Variants in TRPM3 observed in about 807,000 individuals in gnomAD.
The protein encoded by TRPM3 is long transient receptor potential channel 3.
TRPM3 carries 77 observed loss-of-function variants against 181.2 expected under a neutral mutation model. The observed-to-expected ratio is 0.42, with a 90% CI of 0.35 to 0.51. The LOEUF is 0.51. TRPM3 is among the 20% of genes least tolerant of loss of function. The probability of loss-of-function intolerance (pLI) is 0.01; values close to 1 mark genes in which losing one functional copy is unlikely to be tolerated. For missense variants in TRPM3, 1,759 were observed against 2,196.7 expected (o/e 0.80, Z 3.98); for synonymous variants, 745 against 796.4 (o/e 0.94, Z 1.09).
At chr9:70,583,959 ACT>A (rs2056564461) in intron 22 of TRPM3, among the ~76,000 whole-genome samples, 1 of 151,426 alleles carries the variant, frequency 6.6e-6, no homozygotes, top group Non-Finnish European at 1.5e-5. Context: ...CTGCCCCTGA[ACT>A]CTCATCGCTG....
chr9:70,906,631 A>T (rs923454162), intron 1 of TRPM3, among the ~76,000 whole-genome samples: 1 of 152,328 alleles, frequency 6.6e-6, no homozygotes, highest in Non-Finnish European at 1.5e-5. Context: ...GGCTGGGCAT[A>T]GTTGCTCATG....
At chr9:71,011,212 G>A (rs537023614) in intron 1 of TRPM3, among the ~76,000 whole-genome samples, 1 of 152,192 alleles carries the variant, frequency 6.6e-6, no homozygotes, top group Admixed American at 6.5e-5. Context: ...AAGGTTACAA[G>A]TTTCTGGTGT....
intron 1 of TRPM3, among the ~76,000 whole-genome samples, chr9:70,963,654 T>C (rs2097159129): frequency 6.6e-6 from 1 of 152,130 alleles, no homozygotes; most frequent in African/African-American, 2.4e-5. Context: ...AAAATGAGGC[T>C]TGGAAGGAGT....
At chr9:70,654,572 C>T (rs1312085840) in intron 9 of TRPM3, among the ~76,000 whole-genome samples, 3 of 151,968 alleles carry the variant, frequency 2.0e-5, no homozygotes, top group Admixed American at 1.3e-4. Context: ...CGATCCACCA[C>T]ACAAAACCCC....
At chr9:71,216,578 T>C (rs2079879763) in intron 1 of TRPM3, among the ~76,000 whole-genome samples, 1 of 152,210 alleles carries the variant, frequency 6.6e-6, no homozygotes, top group African/African-American at 2.4e-5. Flanking sequence ...ACATAATTAG[T>C]TAATTGTTCT....
Position 70,784,220 on chromosome 9 carries a change from A to G in TRPM3, c.1033T>C (p.Ser345Pro). Residue 345 changes from serine (S) to proline (P), a missense_variant, in exon 7 of 26, where the codon TCG (serine) becomes CCG (proline). Transcript: ENST00000677713. ...TCTCGAAGGTACTCCAAAACAATCG[A>G]GATCACATTGGGTCCTCCTTCCACT... ...LIVEGGPNVISIVLEYLRDTP... is the reference protein window; with the variant it reads ...LIVEGGPNVIPIVLEYLRDTP... The G allele has an allele frequency of 6.2e-7, 1 of 1,613,784 alleles. No homozygotes were observed. The highest frequency in any genetic ancestry group is 8.5e-7 in the Non-Finnish European group (1 of 1,179,798).
chr9:70,757,681 A>T (rs887549341), intron 8 of TRPM3, among the ~76,000 whole-genome samples: 2 of 152,214 alleles, frequency 1.3e-5, no homozygotes, highest in African/African-American at 2.4e-5. Context: ...CAACATATGC[A>T]TATCAATAAA....
intron 5 of TRPM3, among the ~76,000 whole-genome samples, chr9:70,836,820 C>T (rs772537290): frequency 6.6e-6 from 1 of 152,168 alleles, no homozygotes; most frequent in African/African-American, 2.4e-5. Context: ...CAAATCTAAG[C>T]GTGTAGCCAG....
chr9:71,138,165 G>T (rs1360315157), intron 1 of TRPM3, among the ~76,000 whole-genome samples: 1 of 151,858 alleles, frequency 6.6e-6, no homozygotes, highest in Non-Finnish European at 1.5e-5. Flanking sequence ...GGGAGAGGAA[G>T]TATTAGAAAT....
At chr9:71,102,869 A>G (rs1305137221) in intron 1 of TRPM3, among the ~76,000 whole-genome samples, 7 of 152,182 alleles carry the variant, frequency 4.6e-5, no homozygotes, top group Non-Finnish European at 2.9e-5. Flanking sequence ...TAACACATGG[A>G]GCTTGAAACA....
chr9:71,202,082 G>C (rs1402417252), intron 1 of TRPM3, among the ~76,000 whole-genome samples: 1 of 152,186 alleles, frequency 6.6e-6, no homozygotes, highest in Non-Finnish European at 1.5e-5. Context: ...GTTGGAGTTT[G>C]CTAGAGGTCC....
At chr9:71,077,707 G>C (rs2063664386) in intron 1 of TRPM3, among the ~76,000 whole-genome samples, 1 of 151,926 alleles carries the variant, frequency 6.6e-6, no homozygotes, top group Non-Finnish European at 1.5e-5. Flanking sequence ...CTAGTGGACG[G>C]TAGAGACCGT....
In TRPM3 at chr9:70,927,976, A is replaced by G. The variant is rs550517277; in HGVS notation, c.178-63465T>C. Among the ~76,000 whole-genome samples the G allele has an allele frequency of 7.9e-5, 12 of 152,324 alleles. No individual in the cohort carries two copies. In the South Asian group the frequency reaches 2.5e-3, roughly 32 times the overall value. ...ACATGTCTTATTTCCAAGACAATAA[A>G]TATACTGCTTGGAAGTATGGGGGCT... On this transcript the variant is annotated intron_variant, in intron 1 of 25. Transcript: ENST00000677713.
intron 8 of TRPM3, among the ~76,000 whole-genome samples, chr9:70,748,937 T>C (rs2075656688): frequency 6.6e-6 from 1 of 152,262 alleles, no homozygotes; most frequent in African/African-American, 2.4e-5. Flanking sequence ...TGGGCTGGAG[T>C]GCAGTGGTGT....
At chr9:70,565,735 A>G (rs2050415381) in intron 22 of TRPM3, among the ~76,000 whole-genome samples, 1 of 152,208 alleles carries the variant, frequency 6.6e-6, no homozygotes, top group South Asian at 2.1e-4. Context: ...TAATCACATT[A>G]TCCCACATTA....
chr9:71,391,417 G>A (rs796982342), intron 1 of TRPM3, among the ~76,000 whole-genome samples: 8 of 152,064 alleles, frequency 5.3e-5, no homozygotes, highest in African/African-American at 1.9e-4. Context: ...AAAATATGAC[G>A]TGATCTTGCC....
Position 71,219,716 on chromosome 9 carries a change from C to T in TRPM3, c.183+226937G>A, listed in dbSNP as rs997697455. On this transcript the variant is annotated intron_variant, in intron 1 of 24. Coordinates refer to the TRPM3 transcript ENST00000357533. ...ATGGTATGAACAACATTAATCTGGGCGTTCAGAACCAGGGCCAATCAGGGT... is the reference window on the plus strand; with the variant it reads ...ATGGTATGAACAACATTAATCTGGGTGTTCAGAACCAGGGCCAATCAGGGT... Among the ~76,000 whole-genome samples the T allele has an allele frequency of 1.2e-4, 19 of 152,258 alleles. 1 individual carries two copies. Among genetic ancestry groups the T allele is most frequent in the African/African-American group, 3.6e-4 (15 of 41,566 alleles).
chr9:71,219,395 G>C (rs2080096923), intron 1 of TRPM3, among the ~76,000 whole-genome samples: 2 of 152,138 alleles, frequency 1.3e-5, no homozygotes, highest in Non-Finnish European at 2.9e-5. Flanking sequence ...GTGACAGTCT[G>C]TACTTTCTAA....
At chr9:71,348,017 A>C (rs1182194913) in intron 1 of TRPM3, among the ~76,000 whole-genome samples, 1 of 152,100 alleles carries the variant, frequency 6.6e-6, no homozygotes, top group East Asian at 1.9e-4. Context: ...GCTTTAAGGA[A>C]TATTTTCTTT....
Sources: allele counts gnomAD v4.1 joint callset (sites outside exome capture counted in the v4.1 genomes callset), GRCh38; gene constraint gnomAD v4.1.1; transcripts MANE v1.5; gene names NCBI Gene and HGNC (gene_info 2026-07-23, HGNC 2026-07-21).